SLIT3: variants seen among roughly 807,000 people sequenced by gnomAD.
The protein encoded by SLIT3 is slit homolog 3 protein.
Under a neutral mutation model 184.0 loss-of-function variants are expected in SLIT3, and 68 were observed. The observed-to-expected ratio is 0.37, with a 90% CI of 0.30 to 0.45. The LOEUF is 0.45. Ranked by LOEUF, SLIT3 falls within the 20% of genes least tolerant of loss-of-function variation. The probability of loss-of-function intolerance (pLI) is 1.00; values close to 1 mark genes in which losing one functional copy is unlikely to be tolerated. For synonymous variants in SLIT3, 831 were observed against 828.6 expected, an observed-to-expected ratio of 1.00 and a Z score of -0.05; for missense variants, 1,707 against 2,026.0, an observed-to-expected ratio of 0.84 and a Z score of 3.02.
intron 4 of SLIT3, among the ~76,000 whole-genome samples, chr5:169,152,233 A>G (rs941099707): frequency 6.6e-6 from 1 of 152,202 alleles, no homozygotes; most frequent in African/African-American, 2.4e-5. Context: ...ATTTAAATTG[A>G]GCAAATTCAA....
rs915209700 is a variant in SLIT3, at chr5:169,185,803, C to A, written c.413+7676G>T. ...AGCATTTACTAAATTCCTAACTAGG[C>A]GCCTGGCACTTTAGTTAGTAACTTC... On this transcript the variant is annotated intron_variant, in intron 4 of 35. Transcript: ENST00000519560. Among the ~76,000 whole-genome samples, 2 of 152,100 alleles carry A rather than the reference C, an allele frequency of 1.3e-5. 1 individual carries two copies. Among genetic ancestry groups the A allele is most frequent in the South Asian group, 4.2e-4 (2 of 4,818 alleles).
chr5:168,898,372 C>A (rs1760756984), intron 4 of SLIT3, among the ~76,000 whole-genome samples: 1 of 147,500 alleles, frequency 6.8e-6, no homozygotes, highest in South Asian at 2.2e-4. Context: ...ACAGATGAAT[C>A]TATAGCATTT....
At chr5:168,957,165 G>T (rs944664535) in intron 4 of SLIT3, among the ~76,000 whole-genome samples, 6 of 149,958 alleles carry the variant, frequency 4.0e-5, no homozygotes, top group African/African-American at 1.5e-4. Context: ...GGAGGCAGAG[G>T]TTGCAGTGAC....
chr5:168,731,528 A>G (rs796573341), intron 20 of SLIT3, among the ~76,000 whole-genome samples: 4 of 152,146 alleles, frequency 2.6e-5, no homozygotes, highest in African/African-American at 9.6e-5. Flanking sequence ...TAACATCCTG[A>G]ATGGACAATA....
At chr5:169,223,123 T>C (rs560216870) in intron 3 of SLIT3, among the ~76,000 whole-genome samples, 1 of 152,100 alleles carries the variant, frequency 6.6e-6, no homozygotes, top group Admixed American at 6.5e-5. Context: ...CTGAAACACA[T>C]GTTAAACCAG....
At chr5:169,008,008 G>A (rs17070706) in intron 4 of SLIT3, among the ~76,000 whole-genome samples, 2,085 of 152,270 alleles carry the variant, frequency 0.014, 20 homozygotes, top group East Asian at 0.028. Flanking sequence ...TGGAGAACCG[G>A]ACACTTTCTT....
intron 20 of SLIT3, among the ~76,000 whole-genome samples, chr5:168,729,290 G>A (rs981016150): frequency 6.6e-6 from 1 of 152,094 alleles, no homozygotes; most frequent in Non-Finnish European, 1.5e-5. Flanking sequence ...AGGAGGCCCA[G>A]AAATCTTCAG....
intron 4 of SLIT3, among the ~76,000 whole-genome samples, chr5:168,885,844 C>G (rs1243681774): frequency 6.6e-6 from 1 of 152,168 alleles, no homozygotes; most frequent in Non-Finnish European, 1.5e-5. Context: ...GGAGGAGTAG[C>G]AGTCGTACAA....
chr5:168,955,807 A>G (rs942322534), intron 4 of SLIT3, among the ~76,000 whole-genome samples: 1 of 152,154 alleles, frequency 6.6e-6, no homozygotes, highest in South Asian at 2.1e-4. Flanking sequence ...GGAGATCTCT[A>G]ATGGTGAGTC....
intron 4 of SLIT3, among the ~76,000 whole-genome samples, chr5:169,072,459 C>G (rs983354521): frequency 6.6e-6 from 1 of 152,194 alleles, no homozygotes; most frequent in South Asian, 2.1e-4. Context: ...AGGCAACTCT[C>G]ACATTATTCA....
intron 4 of SLIT3, among the ~76,000 whole-genome samples, chr5:168,905,371 T>C (rs1761014375): frequency 6.6e-6 from 1 of 152,178 alleles, no homozygotes. Context: ...TGCTTGCTGG[T>C]GCAGCCTTCT....
chr5:168,893,589 A>T (rs1760553260), intron 4 of SLIT3, among the ~76,000 whole-genome samples: 1 of 152,180 alleles, frequency 6.6e-6, no homozygotes, highest in African/African-American at 2.4e-5. Context: ...GCATTTGCTG[A>T]TTAATTGGAG....
chr5:168,794,694 G>T (rs10516051), intron 10 of SLIT3, among the ~76,000 whole-genome samples: 18,036 of 152,224 alleles, frequency 0.12, 1,355 homozygotes, highest in East Asian at 0.25. Context: ...CTGTACCACG[G>T]TAAAGGATGC....
At chr5:168,782,800 G>A (rs1756019572) in intron 12 of SLIT3, among the ~76,000 whole-genome samples, 1 of 152,170 alleles carries the variant, frequency 6.6e-6, no homozygotes, top group Admixed American at 6.6e-5. Flanking sequence ...GAAGCTGACA[G>A]ATTACCTTGC....
chr5:168,900,994 C>T (rs987302798), intron 4 of SLIT3, among the ~76,000 whole-genome samples: 7 of 152,144 alleles, frequency 4.6e-5, no homozygotes, highest in East Asian at 1.9e-4. Context: ...AATTACTTAA[C>T]GGGTACAATG....
At chr5:168,793,869 T>A (rs1220159606) in intron 10 of SLIT3, among the ~76,000 whole-genome samples, 1 of 152,156 alleles carries the variant, frequency 6.6e-6, no homozygotes, top group Non-Finnish European at 1.5e-5. Flanking sequence ...CCCGAGGTTT[T>A]AAATATTAAG....
chr5:169,281,623 A>T lies in SLIT3; in HGVS notation c.197+18890T>A, dbSNP rs1200126147. Among the ~76,000 whole-genome samples the T allele has an allele frequency of 4.0e-5, 6 of 150,980 alleles. No individual in the cohort carries two copies. The East Asian group carries it at 1.2e-3, about 29-fold the overall frequency. On this transcript the variant is annotated intron_variant, in intron 1 of 35. Transcript: ENST00000519560. ...TAATTGATGGGGGGAAATGGACACAAAAAAATTATGTGAGCCAATAGCATT... is the reference window on the plus strand; with the variant it reads ...TAATTGATGGGGGGAAATGGACACATAAAAATTATGTGAGCCAATAGCATT...
At chr5:169,186,832 G>A (rs1396818132) in intron 4 of SLIT3, among the ~76,000 whole-genome samples, 1 of 150,436 alleles carries the variant, frequency 6.6e-6, no homozygotes, top group Non-Finnish European at 1.5e-5. Flanking sequence ...GAGTCTAGCA[G>A]CCTTGAACTT....
At chr5:168,834,923 A>G (rs967823913) in intron 6 of SLIT3, among the ~76,000 whole-genome samples, 1 of 152,144 alleles carries the variant, frequency 6.6e-6, no homozygotes, top group Non-Finnish European at 1.5e-5. Context: ...CTTCGCTCCC[A>G]GCTTGCACCG....
Sources: gnomAD v4.1 joint callset for allele counts (sites outside exome capture counted in the v4.1 genomes callset) on GRCh38, gnomAD v4.1.1 for gene constraint, MANE v1.5 for transcripts, NCBI Gene and HGNC (gene_info 2026-07-23, HGNC 2026-07-21) for gene names.